STAG1: variants seen among roughly 807,000 people sequenced by gnomAD.
STAG1 encodes the protein STAG1 cohesin complex component, also known as cohesin subunit SA-1.
In STAG1, 26 loss-of-function variants were observed where a neutral mutation model predicts 170.9. The observed-to-expected ratio is 0.15, with a 90% CI of 0.11 to 0.21. The LOEUF (loss-of-function observed/expected upper bound fraction) is 0.21. Among genes scored for constraint, STAG1 ranks in the 10% least tolerant of loss-of-function variants. The pLI, the probability that STAG1 is intolerant of heterozygous loss-of-function variation, is 1.00. For missense variants in STAG1, 964 were observed against 1,509.5 expected (o/e 0.64, Z 5.99); for synonymous variants, 514 against 497.7 (o/e 1.03, Z -0.44).
At chr3:136,373,488 G>T (rs573110763) in intron 23 of STAG1, among the ~76,000 whole-genome samples, 15 of 151,676 alleles carry the variant, frequency 9.9e-5, no homozygotes, top group Admixed American at 2.0e-4. Context: ...GGGCATTTAG[G>T]GCTATAAATT....
At chr3:136,537,682 G>A (rs2107719934) in intron 6 of STAG1, among the ~76,000 whole-genome samples, 1 of 151,990 alleles carries the variant, frequency 6.6e-6, no homozygotes, top group East Asian at 1.9e-4. Context: ...TTTTAGTAGA[G>A]ATGGGGTTTC....
chr3:136,723,802 C>A (rs1314733774), intron 1 of STAG1, among the ~76,000 whole-genome samples: 6 of 145,542 alleles, frequency 4.1e-5, no homozygotes, highest in African/African-American at 5.1e-5. Context: ...AGCCCCCCGC[C>A]CGGCCAGCCG....
chr3:136,607,455 T>C (rs565076032), intron 3 of STAG1, among the ~76,000 whole-genome samples: 5 of 152,302 alleles, frequency 3.3e-5, no homozygotes, highest in South Asian at 2.1e-4. Context: ...CAGGCTGGAG[T>C]GCGGTGGTGC....
rs893678951 is a variant in STAG1 at position 136,469,364 on chromosome 3, C to T, written c.1205+3049G>A. On this transcript the variant is annotated intron_variant, in intron 12 of 33. Coordinates refer to ENST00000383202, the MANE Select transcript of STAG1 (RefSeq NM_005862.3). ...AACAGACAAACAGAGAGCCAAATCA[C>T]GAGTGAACTCCCATTCACAATTGCT... 2.4e-3 allele frequency among the ~76,000 whole-genome samples: 364 copies of T among 151,600 alleles called. 5 individuals are homozygous for T. The East Asian group carries it at 0.032, about 13-fold the overall frequency.
intron 10 of STAG1, among the ~76,000 whole-genome samples, chr3:136,476,531 T>C (rs2089754425): frequency 6.6e-6 from 1 of 152,120 alleles, no homozygotes; most frequent in Non-Finnish European, 1.5e-5. Flanking sequence ...GGATCAACAA[T>C]GGATGAGCAA....
intron 4 of STAG1, among the ~76,000 whole-genome samples, chr3:136,576,116 C>G (rs1937447625): frequency 6.6e-6 from 1 of 152,024 alleles, no homozygotes; most frequent in African/African-American, 2.4e-5. Flanking sequence ...TATAAAGGAA[C>G]GTTTCACTAA....
intron 26 of STAG1, among the ~76,000 whole-genome samples, chr3:136,359,656 A>T (rs1334807887): frequency 6.6e-6 from 1 of 152,148 alleles, no homozygotes; most frequent in African/African-American, 2.4e-5. Context: ...CAGCCTCCTG[A>T]GTAGCTGAGA....
intron 1 of STAG1, among the ~76,000 whole-genome samples, chr3:136,720,090 C>T (rs1361815609): frequency 6.6e-6 from 1 of 150,946 alleles, no homozygotes; most frequent in Non-Finnish European, 1.5e-5. Context: ...GTAGGAGAAT[C>T]GCTTGAACTC....
intron 25 of STAG1, 69 bp downstream of exon 25, chr3:136,366,874 A>G (rs905981440): frequency 2.2e-6 from 3 of 1,351,800 alleles, no homozygotes; most frequent in Non-Finnish European, 1.0e-6. Flanking sequence ...AGCTTCTGTC[A>G]TCATCCTTTC....
chr3:136,704,696 G>A (rs553288478), intron 1 of STAG1, among the ~76,000 whole-genome samples: 1 of 151,820 alleles, frequency 6.6e-6, no homozygotes, highest in Admixed American at 6.6e-5. Flanking sequence ...AGGCGTGGTG[G>A]CATGCATCTG....
chr3:136,750,366 C>T (rs1033278226), intron 1 of STAG1, among the ~76,000 whole-genome samples: 3 of 152,100 alleles, frequency 2.0e-5, no homozygotes, highest in Non-Finnish European at 4.4e-5. Context: ...CCCTGAACAC[C>T]ACAAACCCAG....
At chr3:136,704,114 G>T (rs539849353) in intron 1 of STAG1, among the ~76,000 whole-genome samples, 1 of 149,050 alleles carries the variant, frequency 6.7e-6, no homozygotes, top group East Asian at 2.0e-4. Flanking sequence ...GCAGTGGTGC[G>T]ATCTCGGCTC....
At chr3:136,410,067 C>CT (rs1231595015) in intron 21 of STAG1, among the ~76,000 whole-genome samples, 8 of 54,920 alleles carry the variant, frequency 1.5e-4, no homozygotes, top group Non-Finnish European at 2.2e-4. Flanking sequence ...AAGTCCTTGT[C>CT]TAAAAAAAAA....
intron 13 of STAG1, among the ~76,000 whole-genome samples, chr3:136,463,653 G>A (rs1289163017): frequency 6.7e-6 from 1 of 149,892 alleles, no homozygotes; most frequent in Non-Finnish European, 1.5e-5. Context: ...TGAGGTGGGA[G>A]GATCACTTCA....
intron 4 of STAG1, among the ~76,000 whole-genome samples, chr3:136,599,075 T>G (rs1421232034): frequency 6.6e-6 from 1 of 152,146 alleles, no homozygotes; most frequent in African/African-American, 2.4e-5. Flanking sequence ...AGCAATCCCA[T>G]TAACAGGTAT....
intron 30 of STAG1, among the ~76,000 whole-genome samples, chr3:136,342,467 C>T (rs142848821): frequency 6.5e-4 from 98 of 151,850 alleles, no homozygotes; most frequent in African/African-American, 2.2e-3. Flanking sequence ...CACAGGCATG[C>T]GCCACCACAC....
intron 1 of STAG1, among the ~76,000 whole-genome samples, chr3:136,670,047 C>T (rs778459615): frequency 6.6e-6 from 1 of 152,226 alleles, no homozygotes; most frequent in African/African-American, 2.4e-5. Context: ...GTGGCTCACA[C>T]CTGTAATCCC....
chr3:136,491,576 G>GT (rs1259176680), intron 9 of STAG1, among the ~76,000 whole-genome samples: 1 of 152,174 alleles, frequency 6.6e-6, no homozygotes, highest in East Asian at 1.9e-4. Context: ...CATTTGGTCT[G>GT]AAGTACAGTT....
chr3:136,344,614 TGTTTA>T (rs1936138722), intron 29 of STAG1, among the ~76,000 whole-genome samples: 1 of 152,120 alleles, frequency 6.6e-6, no homozygotes, highest in Admixed American at 6.5e-5. Flanking sequence ...TACCATTCTT[TGTTTA>T]AACTTTTTTT....
Sources: allele counts gnomAD v4.1 joint callset (sites outside exome capture counted in the v4.1 genomes callset), GRCh38; gene constraint gnomAD v4.1.1; transcripts MANE v1.5; gene names NCBI Gene and HGNC (gene_info 2026-07-23, HGNC 2026-07-21).